AGO3: variants seen among roughly 807,000 people sequenced by gnomAD.
AGO3 encodes the protein protein argonaute-3.
AGO3 carries 16 observed loss-of-function variants against 105.5 expected under a neutral mutation model. That is an observed-to-expected ratio of 0.15 (90% CI 0.10 to 0.23). AGO3 has a LOEUF of 0.23. Among genes scored for constraint, AGO3 ranks in the 10% least tolerant of loss-of-function variants. The pLI, the probability that AGO3 is intolerant of heterozygous loss-of-function variation, is 1.00. For missense variants in AGO3, 534 were observed against 1,088.0 expected, an observed-to-expected ratio of 0.49 and a Z score of 7.16; for synonymous variants, 340 against 367.3, an observed-to-expected ratio of 0.93 and a Z score of 0.85.
intron 2 of AGO3, among the ~76,000 whole-genome samples, chr1:35,950,516 T>C (rs1238685338): frequency 6.6e-6 from 1 of 152,164 alleles, no homozygotes; most frequent in Admixed American, 6.5e-5. Context: ...GTCCATTGCT[T>C]TTTTTGTCCT....
intron 4 of AGO3, among the ~76,000 whole-genome samples, 199 bp downstream of exon 4, chr1:35,972,431 A>G (rs563557308): frequency 3.8e-4 from 58 of 152,344 alleles, no homozygotes; most frequent in South Asian, 2.1e-3. Flanking sequence ...ACTATACGTC[A>G]TTAGCTTAGC....
chr1:36,038,252 CTT>C (rs781058020), intron 14 of AGO3, among the ~76,000 whole-genome samples: 1 of 112,596 alleles, frequency 8.9e-6, no homozygotes, highest in African/African-American at 3.5e-5. Context: ...TGGATTTATT[CTT>C]TTTTTTTTTT....
At chr1:36,045,288 CTTGG>C (rs1642416805) in intron 17 of AGO3, among the ~76,000 whole-genome samples, 5 of 152,004 alleles carry the variant, frequency 3.3e-5, no homozygotes, top group Admixed American at 3.3e-4. Flanking sequence ...GTAGTGTGAT[CTTGG>C]CTCACTGCAA....
In AGO3 at chr1:36,057,313, C is replaced by T. The variant is rs1421899597; in HGVS notation, c.*1568C>T. 1.3e-5 allele frequency: 2 copies of T among 151,290 alleles called. No individual in the cohort carries two copies. Among genetic ancestry groups the T allele is most frequent in the African/African-American group, 2.4e-5 (1 of 41,142 alleles). The allele number at this position is 151,290 out of a possible 1,614,324, so 9.4% of individuals were successfully genotyped here. A position where few individuals can be genotyped will look rare whatever the true frequency, so the allele number is the denominator to read the frequency against. On this transcript the variant is annotated 3_prime_UTR_variant, in exon 19 of 19. Coordinates refer to ENST00000373191, the MANE Select transcript of AGO3 (RefSeq NM_024852.4). ...GATAGTTTACTTGCTGCCTCTCATA[C>T]CTTAATGTGATTTTCATATATTTTT...
chr1:36,036,707 A>AT (rs1417734175), intron 14 of AGO3, among the ~76,000 whole-genome samples: 1 of 151,700 alleles, frequency 6.6e-6, no homozygotes, highest in Non-Finnish European at 1.5e-5. Flanking sequence ...TATTTTATTT[A>AT]TTTTTTTCAG....
intron 9 of AGO3, among the ~76,000 whole-genome samples, chr1:36,011,354 C>CT (rs1227810798): frequency 3.3e-5 from 5 of 149,762 alleles, no homozygotes; most frequent in Admixed American, 1.3e-4. Context: ...AGAAAAAATA[C>CT]TTTTTTTTTT....
chr1:35,987,974 A>C (rs1647277171), intron 5 of AGO3, among the ~76,000 whole-genome samples: 1 of 152,042 alleles, frequency 6.6e-6, no homozygotes, highest in Non-Finnish European at 1.5e-5. Context: ...AGGCTAAGGC[A>C]GGAGAATCGC....
At chr1:35,938,441 T>G (rs1359970532) in intron 1 of AGO3, among the ~76,000 whole-genome samples, 1 of 152,214 alleles carries the variant, frequency 6.6e-6, no homozygotes, top group African/African-American at 2.4e-5. Context: ...TTCCCAGACA[T>G]CCATCCGTCT....
intron 2 of AGO3, among the ~76,000 whole-genome samples, chr1:35,958,379 A>AT (rs1441184300): frequency 1.3e-5 from 2 of 151,520 alleles, no homozygotes. Flanking sequence ...AGACTCCATA[A>AT]TAAAAAAAAA....
chr1:36,038,666 G>A (rs1394119691), intron 14 of AGO3, among the ~76,000 whole-genome samples: 1 of 152,186 alleles, frequency 6.6e-6, no homozygotes, highest in Non-Finnish European at 1.5e-5. Flanking sequence ...TCTGGAGGCA[G>A]TGACCAGCTC....
At chr1:36,039,751 T>C in intron 14 of AGO3, 39 bp from the exon 15 acceptor site, 1 of 1,150,508 alleles carries the variant, frequency 8.7e-7, no homozygotes, top group South Asian at 3.0e-5. Flanking sequence ...TCATTTATTT[T>C]TATTTATTTA....
chr1:35,946,196 C>G (rs1009770092), intron 2 of AGO3, among the ~76,000 whole-genome samples: 1 of 152,140 alleles, frequency 6.6e-6, no homozygotes, highest in Non-Finnish European at 1.5e-5. Context: ...TTTCTCCTCA[C>G]CTCTCTTATG....
At chr1:35,981,399 T>A (rs923271501) in intron 5 of AGO3, among the ~76,000 whole-genome samples, 5 of 152,164 alleles carry the variant, frequency 3.3e-5, no homozygotes, top group African/African-American at 1.2e-4. Context: ...TCCTCCATTG[T>A]TCTGGTGGAC....
intron 1 of AGO3, among the ~76,000 whole-genome samples, chr1:35,944,022 T>A (rs902117828): frequency 3.3e-5 from 5 of 152,224 alleles, no homozygotes; most frequent in African/African-American, 4.8e-5. Context: ...GTTTATTCAT[T>A]CATCTATCAG....
intron 3 of AGO3, among the ~76,000 whole-genome samples, chr1:35,967,606 G>A (rs1646799194): frequency 6.6e-6 from 1 of 151,798 alleles, no homozygotes. Flanking sequence ...TAGTAGAGAT[G>A]GGGTTTCGCC....
In AGO3 at chr1:36,059,011, A is replaced by G. The variant is rs1260204571; in HGVS notation, c.*3266A>G. On this transcript the variant is annotated 3_prime_UTR_variant, in exon 19 of 19. Coordinates refer to ENST00000373191, the MANE Select transcript of AGO3 (RefSeq NM_024852.4). ...GGGAAACTTTAGGGAATGACTGTAGATACCCTTTCTCTATGTACTCTCTCA... is the reference window on the plus strand; with the variant it reads ...GGGAAACTTTAGGGAATGACTGTAGGTACCCTTTCTCTATGTACTCTCTCA... 1 of 152,176 alleles carries G rather than the reference A, an allele frequency of 6.6e-6. No homozygotes were observed. The highest frequency in any genetic ancestry group is 1.5e-5 in the Non-Finnish European group (1 of 68,018). The allele number at this position is 152,176 out of a possible 1,614,324, so 9.4% of individuals were successfully genotyped here. A position where few individuals can be genotyped will look rare whatever the true frequency, so the allele number is the denominator to read the frequency against.
chr1:35,940,394 A>G (rs554684292), intron 1 of AGO3, among the ~76,000 whole-genome samples: 9 of 152,304 alleles, frequency 5.9e-5, no homozygotes, highest in South Asian at 4.1e-4. Context: ...TCAAAATCCA[A>G]ATAAGTTCTA....
rs748373778 is a variant in AGO3, at chr1:35,955,590, CT to C, written c.191+9744del. On this transcript the variant is annotated intron_variant, in intron 2 of 18. Coordinates refer to ENST00000373191, the MANE Select transcript of AGO3 (RefSeq NM_024852.4). ...GAATGAACGAGAGGTACACTGTTAA[CT>C]TTTTTTTTTTTTTTTTAATTGAGAC... is the stretch of plus-strand genomic sequence containing the variant. Among the ~76,000 whole-genome samples the C allele has an allele frequency of 6.9e-3, 960 of 139,076 alleles. 3 individuals carry two copies. The highest frequency in any genetic ancestry group is 9.8e-3 in the African/African-American group (374 of 38,058). The allele number at this position is 139,076 out of a possible 152,430, so 91.2% of individuals were successfully genotyped here. A position where few individuals can be genotyped will look rare whatever the true frequency, so the allele number is the denominator to read the frequency against.
chr1:36,044,388 GT>G (rs369973598), intron 17 of AGO3, among the ~76,000 whole-genome samples: 1 of 148,620 alleles, frequency 6.7e-6, no homozygotes, highest in Non-Finnish European at 1.5e-5. Context: ...TACAGCTTTA[GT>G]TTTTTTTTGT....
Sources: gnomAD v4.1 joint callset for allele counts (sites outside exome capture counted in the v4.1 genomes callset) on GRCh38, gnomAD v4.1.1 for gene constraint, MANE v1.5 for transcripts, NCBI Gene and HGNC (gene_info 2026-07-23, HGNC 2026-07-21) for gene names.